CCNB3: variants seen among roughly 807,000 people sequenced by gnomAD.
CCNB3 encodes G2/mitotic-specific cyclin-B3.
A neutral mutation model predicts 68.0 loss-of-function variants in CCNB3; 12 were observed. That is an observed-to-expected ratio of 0.18 (90% CI 0.11 to 0.29). The LOEUF is 0.29. Among genes scored for constraint, CCNB3 ranks in the 10% least tolerant of loss-of-function variants. The pLI is 1.00. For missense variants in CCNB3, 904 were observed against 993.1 expected (o/e 0.91, Z 1.21); for synonymous variants, 354 against 388.9 (o/e 0.91, Z 1.06).
At chrX:50,211,662 C>T (rs1935485171) in intron 1 of CCNB3, among the ~76,000 whole-genome samples, 2 of 111,605 alleles carry the variant, frequency 1.8e-5, no homozygotes, top group African/African-American at 3.3e-5. Context: ...GCCTCCTTTG[C>T]GTCTTGCTCT....
chrX:50,305,174 G>T (rs1266854687), intron 5 of CCNB3, among the ~76,000 whole-genome samples: 1 of 111,922 alleles, frequency 8.9e-6, no homozygotes, highest in Admixed American at 9.5e-5. Flanking sequence ...CAAAGGATTA[G>T]AAATCATGCT....
intron 1 of CCNB3, among the ~76,000 whole-genome samples, chrX:50,226,935 T>C (rs1480901707): frequency 1.4e-5 from 1 of 73,516 alleles, no homozygotes; most frequent in Non-Finnish European, 2.3e-5. Flanking sequence ...ATATATATAG[T>C]ATATATATAG....
intron 8 of CCNB3, 150 bp from the exon 9 acceptor site, chrX:50,342,052 C>T (rs782427898): frequency 1.7e-6 from 1 of 591,427 alleles, no homozygotes. Context: ...ACACAGGAAC[C>T]TAGCTGAAGC....
intron 1 of CCNB3, among the ~76,000 whole-genome samples, chrX:50,228,034 AGAGAGAATATATATATAAATATATG>A (rs1935945835): frequency 1.3e-5 from 1 of 76,566 alleles, no homozygotes; most frequent in African/African-American, 5.1e-5. Context: ...GAATATATAT[AGAGAGAATATATATATAAATATATG>A]GAGAGAATAT....
chrX:50,335,431 G>C (rs1296816315), intron 8 of CCNB3, among the ~76,000 whole-genome samples: 1 of 112,062 alleles, frequency 8.9e-6, no homozygotes. Context: ...GTCCTGTACT[G>C]GCTGGTAGTC....
chrX:50,218,139 A>G (rs1232632985), intron 1 of CCNB3, among the ~76,000 whole-genome samples: 2 of 111,807 alleles, frequency 1.8e-5, no homozygotes, highest in Non-Finnish European at 3.8e-5. Flanking sequence ...AAAATAATCT[A>G]TTGTTGTTTT....
chrX:50,328,180 T>A (rs1343012618), intron 8 of CCNB3, among the ~76,000 whole-genome samples: 1 of 112,761 alleles, frequency 8.9e-6, no homozygotes, highest in African/African-American at 3.2e-5. Context: ...ATATAAAGAA[T>A]TGGTGTTGTT....
At chrX:50,347,515 A>T in intron 10 of CCNB3, 111 bp from the exon 11 acceptor site, 1 of 688,278 alleles carries the variant, frequency 1.5e-6, no homozygotes, top group Non-Finnish European at 2.2e-6. Context: ...AAGGCACATT[A>T]CTCAAACAGA....
intron 4 of CCNB3, among the ~76,000 whole-genome samples, chrX:50,293,267 A>G (rs1316866882): frequency 1.8e-5 from 2 of 110,578 alleles, no homozygotes; most frequent in African/African-American, 6.6e-5. Context: ...TTTTCTTATT[A>G]GTCTAGCTAA....
chrX:50,306,150 A>G (rs1392641260), intron 5 of CCNB3, among the ~76,000 whole-genome samples: 4 of 110,007 alleles, frequency 3.6e-5, no homozygotes, highest in African/African-American at 1.3e-4. Context: ...TTAGATATTT[A>G]GTTTTTTGAA....
chrX:50,300,884 C>T (rs1426361458), intron 5 of CCNB3, among the ~76,000 whole-genome samples: 2 of 111,751 alleles, frequency 1.8e-5, no homozygotes, highest in African/African-American at 3.2e-5. Context: ...TCATTCATTT[C>T]GTCTTCCGTT....
At chrX:50,214,396 G>C (rs1295655562) in intron 1 of CCNB3, among the ~76,000 whole-genome samples, 1 of 91,149 alleles carries the variant, frequency 1.1e-5, no homozygotes, top group Non-Finnish European at 2.2e-5. Flanking sequence ...TGGGTGCTTA[G>C]AGTATTGACT....
intron 1 of CCNB3, among the ~76,000 whole-genome samples, chrX:50,227,689 A>C (rs1158457810): frequency 2.4e-4 from 23 of 95,938 alleles, no homozygotes; most frequent in African/African-American, 8.1e-4. Flanking sequence ...ATATATATAA[A>C]TATATATAGA....
chrX:50,299,251 C>T (rs1163620702), intron 5 of CCNB3, among the ~76,000 whole-genome samples: 1 of 111,201 alleles, frequency 9.0e-6, no homozygotes, highest in East Asian at 2.8e-4. Context: ...ATCTTTCCTG[C>T]TTTCTCTTGC....
intron 1 of CCNB3, among the ~76,000 whole-genome samples, chrX:50,213,189 C>T (rs1457983438): frequency 1.3e-4 from 14 of 111,935 alleles, no homozygotes; most frequent in African/African-American, 4.5e-4. Context: ...TTATTGCTAT[C>T]TTAACAATAT....
intron 10 of CCNB3, among the ~76,000 whole-genome samples, 176 bp downstream of exon 10, chrX:50,346,983 G>A (rs1557220421): frequency 9.0e-6 from 1 of 111,337 alleles, no homozygotes; most frequent in Non-Finnish European, 1.9e-5. Flanking sequence ...ATAGTGGGAG[G>A]TGGGTGGGGG....
chrX:50,281,518 C>G (rs1319254747), intron 1 of CCNB3, among the ~76,000 whole-genome samples: 1 of 111,072 alleles, frequency 9.0e-6, no homozygotes, highest in Non-Finnish European at 1.9e-5. Flanking sequence ...GGGCGTCACT[C>G]CAGCCCCTTG....
At position 50,309,479 on chromosome X, in the gene CCNB3, C is replaced by T. The variant is rs1260623934; in HGVS notation, c.1310C>T (p.Ala437Val). 8.3e-7 allele frequency: 1 copy of T among 1,211,486 alleles called. No homozygotes were observed. The highest frequency in any genetic ancestry group is 2.2e-5 in the Admixed American group (1 of 46,016). ...GAGTCCTTTTCCCAGGAACCATCTG[C>T]ATTGCAAAAGAAGCACACCACTCAG... Reference protein sequence around the residue: ...EKESFSQEPSALQKKHTTQEE... With the variant: ...EKESFSQEPSVLQKKHTTQEE... The change falls in exon 6 of 13, where the codon GCA becomes GTA. Residue 437 changes from alanine to valine, a missense_variant. This residue lies in a region of CCNB3 where 619 missense variants were observed against 609.8 expected (regional missense o/e 1.02). Transcript: ENST00000376042.
At chrX:50,299,356 GAACATCTT>G (rs1936568795) in intron 5 of CCNB3, among the ~76,000 whole-genome samples, 1 of 111,442 alleles carries the variant, frequency 9.0e-6, no homozygotes, top group Non-Finnish European at 1.9e-5. Context: ...TGGTTTCAAA[GAACATCTT>G]TATTTCTGCC....
Sources: allele counts gnomAD v4.1 joint callset (sites outside exome capture counted in the v4.1 genomes callset), GRCh38; gene constraint gnomAD v4.1.1; regional missense constraint gnomAD v4.1.1; transcripts MANE v1.5; gene names NCBI Gene and HGNC (gene_info 2026-07-23, HGNC 2026-07-21).